Variants in PHTF1 observed in about 807,000 individuals in gnomAD.
PHTF1 encodes putative homeodomain transcription factor 1.
PHTF1 carries 88 observed loss-of-function variants against 102.4 expected under a neutral mutation model. The ratio of observed to expected loss-of-function variants is 0.86; its 90% CI spans 0.72 to 1.03. PHTF1 has a LOEUF of 1.03. PHTF1 is among the 50% of genes least tolerant of loss of function. The pLI is 0.00. For synonymous variants in PHTF1, 289 were observed against 305.2 expected, an observed-to-expected ratio of 0.95 and a Z score of 0.55; for missense variants, 814 against 909.5, an observed-to-expected ratio of 0.89 and a Z score of 1.35.
Position 113,710,303 on chromosome 1 carries a change from G to T in PHTF1, c.1220C>A (p.Thr407Asn). The T allele has an allele frequency of 6.2e-7, 1 of 1,614,018 alleles. No homozygotes were observed. The highest frequency in any genetic ancestry group is 8.5e-7 in the Non-Finnish European group (1 of 1,179,998). Residue 407 changes from threonine to asparagine, a missense_variant, in exon 11 of 19, where the codon ACC becomes AAC. Thr to Asn is a moderately conservative substitution (Grantham distance 65). Transcript: ENST00000369604. ...TSDSEGAHVN[T>N]LHSGTKRDPK... ...GTCACGTTTGGTCCCTGAGTGAAGG[G>T]TATTCACATGGGCCCCCTCACTGTC...
intron 16 of PHTF1, 75 bp from the exon 17 acceptor site, chr1:113,699,874 C>A: frequency 1.4e-6 from 1 of 718,492 alleles, no homozygotes; most frequent in Admixed American, 3.0e-5. Flanking sequence ...TGGCATATTT[C>A]AAAGGTCATG....
chr1:113,716,342 CTT>C (rs1180513920), intron 7 of PHTF1, among the ~76,000 whole-genome samples: 22 of 120,944 alleles, frequency 1.8e-4, no homozygotes, highest in Non-Finnish European at 2.7e-4. Flanking sequence ...TTATTTTTCC[CTT>C]TTTTTTTTTT....
chr1:113,702,017 G>C (rs929741225), intron 15 of PHTF1, among the ~76,000 whole-genome samples: 4 of 151,684 alleles, frequency 2.6e-5, no homozygotes, highest in Admixed American at 2.6e-4. Context: ...GAAATAAAAA[G>C]CAATGGAAAA....
intron 7 of PHTF1, among the ~76,000 whole-genome samples, chr1:113,716,541 G>T (rs1652064955): frequency 6.6e-6 from 1 of 151,680 alleles, no homozygotes; most frequent in Admixed American, 6.6e-5. Context: ...TAGAGACTGG[G>T]TCTCCCTAAT....
chr1:113,720,201 G>A (rs1316818781), intron 7 of PHTF1, among the ~76,000 whole-genome samples: 1 of 152,040 alleles, frequency 6.6e-6, no homozygotes, highest in Non-Finnish European at 1.5e-5. Context: ...AAGAGTTAAA[G>A]GTCATTATAT....
In PHTF1 at chr1:113,704,078, T is replaced by C; in HGVS notation, c.1890+3A>G. The C allele has an allele frequency of 6.2e-7, 1 of 1,602,092 alleles. No individual in the cohort carries two copies. The highest frequency in any genetic ancestry group is 8.6e-7 in the Non-Finnish European group (1 of 1,169,190). On this transcript the variant is annotated splice_donor_region_variant and intron_variant, in intron 15 of 18. Transcript: ENST00000369604. The stretch of plus-strand genomic sequence containing the variant: ...TTCCTTAAAGCAGATGTGAAACTTT[T>C]ACCTGAGCACAACAAATGAAAGCAA...
intron 13 of PHTF1, 36 bp from the exon 14 acceptor site, chr1:113,704,833 A>G: frequency 7.0e-7 from 1 of 1,418,494 alleles, no homozygotes; most frequent in South Asian, 1.2e-5. Flanking sequence ...AGTGAAATGT[A>G]TGTATGTGTC....
intron 11 of PHTF1, among the ~76,000 whole-genome samples, chr1:113,706,925 C>T (rs1301168326): frequency 1.4e-5 from 2 of 146,958 alleles, no homozygotes; most frequent in Admixed American, 6.9e-5. Flanking sequence ...CTCCTGGGCC[C>T]AAGCAATCCT....
intron 15 of PHTF1, among the ~76,000 whole-genome samples, chr1:113,701,162 G>A (rs542456997): frequency 2.6e-5 from 4 of 152,164 alleles, no homozygotes; most frequent in African/African-American, 7.2e-5. Context: ...CAAGGGTCTA[G>A]AAGTAACAAA....
chr1:113,706,505 A>T, intron 12 of PHTF1, 89 bp downstream of exon 12: 3 of 958,944 alleles, frequency 3.1e-6, no homozygotes, highest in Non-Finnish European at 4.5e-6. Context: ...GCAGAGTCAT[A>T]CTGTTTTAAT....
chr1:113,702,023 G>T (rs1469929748), intron 15 of PHTF1, among the ~76,000 whole-genome samples: 3 of 151,796 alleles, frequency 2.0e-5, no homozygotes, highest in Non-Finnish European at 4.4e-5. Flanking sequence ...AAAAGCAATG[G>T]AAAAGGTAAA....
intron 11 of PHTF1, among the ~76,000 whole-genome samples, 170 bp from the exon 12 acceptor site, chr1:113,706,892 A>T: frequency 1.8e-5 from 2 of 109,208 alleles, no homozygotes; most frequent in Admixed American, 1.3e-4. Flanking sequence ...GGGTATCACT[A>T]TGTTGCCCAG....
rs778846861 is a variant in PHTF1 at position 113,710,462 on chromosome 1, C to A, written c.1061G>T (p.Gly354Val). Residue 354 changes from glycine (G) to valine (V), a missense_variant, in exon 11 of 19, where the codon GGT (glycine) becomes GTT (valine). Physicochemically the swap from Gly to Val is moderately radical, Grantham distance 109 (BLOSUM62 -3). Transcript: ENST00000369604. ...SAAFSQGSRSGVSGGSRSLNM... is the reference protein window; with the variant it reads ...SAAFSQGSRSVVSGGSRSLNM... ...GAGGCTTCGAGAGCCACCACTCACA[C>A]CCGATCTAGAGCCCTTTAAAGGAAA... 1.2e-6 allele frequency: 2 copies of A among 1,613,602 alleles called. No individual in the cohort carries two copies. Among genetic ancestry groups the A allele is most frequent in the Non-Finnish European group, 1.7e-6 (2 of 1,179,608 alleles).
chr1:113,752,385 ATTTTTTTTTTTTTTTTT>A (rs774522219), intron 3 of PHTF1, among the ~76,000 whole-genome samples: 1 of 47,840 alleles, frequency 2.1e-5, no homozygotes, highest in South Asian at 6.6e-4. Context: ...TGTTACTGTA[ATTTTTTTTTTTTTTTTT>A]TTTTTTTTTT....
At chr1:113,737,709 G>A (rs1655712402) in intron 5 of PHTF1, among the ~76,000 whole-genome samples, 1 of 152,192 alleles carries the variant, frequency 6.6e-6, no homozygotes, top group African/African-American at 2.4e-5. Context: ...TGAGGTGGAA[G>A]GATTGCTTGC....
Position 113,759,033 on chromosome 1 carries a change from T to C in PHTF1, c.-41A>G, listed in dbSNP as rs1302857776. Reference sequence around the variant, plus strand: ...GCGTCCGGCTCTCACCTAGTGCCCGTTGCCCCGCGGGCCGGCGCCCGGGAC... The same window carrying C: ...GCGTCCGGCTCTCACCTAGTGCCCGCTGCCCCGCGGGCCGGCGCCCGGGAC... On this transcript the variant is annotated 5_prime_UTR_variant, in exon 1 of 19. Coordinates refer to ENST00000369604, the MANE Select transcript of PHTF1 (RefSeq NM_001323043.2). 76 of 1,023,996 alleles carry C rather than the reference T, an allele frequency of 7.4e-5. No homozygotes were observed. The highest frequency in any genetic ancestry group is 8.5e-5 in the Non-Finnish European group (73 of 855,914). 63.4% of individuals were successfully genotyped at this position (1,023,996 alleles called of 1,614,324 possible).
intron 15 of PHTF1, among the ~76,000 whole-genome samples, chr1:113,701,826 T>TAAAAAAAAAAA (rs34844793): frequency 3.6e-5 from 1 of 27,998 alleles, no homozygotes; most frequent in Non-Finnish European, 6.6e-5. Flanking sequence ...CAATTCCTGG[T>TAAAAAAAAAAA]AAAAAAAAAA....
In PHTF1 at chr1:113,727,042, G is replaced by GTATATA. The variant is rs71590575; in HGVS notation, c.332-474_332-469dup. On this transcript the variant is annotated intron_variant, in intron 5 of 18. Coordinates refer to ENST00000369604, the MANE Select transcript of PHTF1 (RefSeq NM_001323043.2). ...TAATGAAGAAGAAATACATATATGT[G>GTATATA]TATATATATATATATATGAAATGCA... 8.3e-3 allele frequency among the ~76,000 whole-genome samples: 1,235 copies of GTATATA among 148,068 alleles called. 14 individuals are homozygous for GTATATA. The highest frequency in any genetic ancestry group is 0.028 in the African/African-American group (1,135 of 40,432).
Position 113,697,659 on chromosome 1 carries a change from G to C in PHTF1, c.*46C>G. 7.0e-7 allele frequency: 1 copy of C among 1,427,162 alleles called. No individual in the cohort carries two copies. The highest frequency in any genetic ancestry group is 9.9e-7 in the Non-Finnish European group (1 of 1,011,964). The allele number at this position is 1,427,162 out of a possible 1,614,324, so 88.4% of individuals were successfully genotyped here. A position where few individuals can be genotyped will look rare whatever the true frequency, so the allele number is the denominator to read the frequency against. ...CTGCAGTCATCACTTTCCTTGATAGGTAAGTTTTGATACCAGCCAGGGGAG... is the reference window on the plus strand; with the variant it reads ...CTGCAGTCATCACTTTCCTTGATAGCTAAGTTTTGATACCAGCCAGGGGAG... On this transcript the variant is annotated 3_prime_UTR_variant, in exon 19 of 19. Transcript: ENST00000369604.
Sources: gnomAD v4.1 joint callset for allele counts (sites outside exome capture counted in the v4.1 genomes callset) on GRCh38, gnomAD v4.1.1 for gene constraint, MANE v1.5 for transcripts, NCBI Gene and HGNC (gene_info 2026-07-23, HGNC 2026-07-21) for gene names.